The following GALNTL6 variants were observed in gnomAD, a reference collection of about 807,000 sequenced individuals.
The protein encoded by GALNTL6 is polypeptide N-acetylgalactosaminyltransferase like 6.
A neutral mutation model predicts 73.7 loss-of-function variants in GALNTL6; 46 were observed. That is an observed-to-expected ratio of 0.62 (90% CI 0.49 to 0.80). GALNTL6 has a LOEUF of 0.80. Ranked by LOEUF, GALNTL6 falls within the 30% of genes least tolerant of loss-of-function variation. The pLI is 0.00. For missense variants in GALNTL6, 604 were observed against 755.0 expected (o/e 0.80, Z 2.34); for synonymous variants, 259 against 263.7 (o/e 0.98, Z 0.17).
intron 5 of GALNTL6, among the ~76,000 whole-genome samples, chr4:172,591,466 A>G (rs1018300470): frequency 6.6e-6 from 1 of 152,236 alleles, no homozygotes; most frequent in Non-Finnish European, 1.5e-5. Context: ...CCTATTTAAT[A>G]GAGCAAGACC....
At chr4:172,438,803 A>C (rs1731729186) in intron 5 of GALNTL6, among the ~76,000 whole-genome samples, 1 of 151,818 alleles carries the variant, frequency 6.6e-6, no homozygotes, top group Non-Finnish European at 1.5e-5. Flanking sequence ...TTTTCTCCTC[A>C]TACTTCTCGA....
intron 4 of GALNTL6, 102 bp downstream of exon 4, chr4:172,311,854 T>C: frequency 2.6e-6 from 2 of 760,714 alleles, no homozygotes; most frequent in Non-Finnish European, 4.0e-6. Context: ...TAACCAAATA[T>C]TTTATCCTAA....
chr4:172,587,724 C>A (rs1737468931), intron 5 of GALNTL6, among the ~76,000 whole-genome samples: 1 of 152,194 alleles, frequency 6.6e-6, no homozygotes, highest in Admixed American at 6.5e-5. Context: ...TGCCTCCTCC[C>A]AGAAGCTTTT....
At chr4:172,187,386 G>A (rs1644687615) in intron 2 of GALNTL6, among the ~76,000 whole-genome samples, 1 of 152,050 alleles carries the variant, frequency 6.6e-6, no homozygotes, top group South Asian at 2.1e-4. Context: ...CAACTGAAGA[G>A]CTATTGCTTA....
At chr4:172,411,026 T>C (rs1744415738) in intron 5 of GALNTL6, among the ~76,000 whole-genome samples, 1 of 152,174 alleles carries the variant, frequency 6.6e-6, no homozygotes, top group South Asian at 2.1e-4. Context: ...TCACAGATTA[T>C]GTACATTCGT....
intron 5 of GALNTL6, among the ~76,000 whole-genome samples, chr4:172,686,714 G>T (rs796070335): frequency 2.6e-5 from 4 of 152,262 alleles, no homozygotes; most frequent in African/African-American, 9.6e-5. Flanking sequence ...ATTGCTTTGT[G>T]CTATTCTTTG....
At chr4:172,841,357 C>T (rs952525556) in intron 7 of GALNTL6, among the ~76,000 whole-genome samples, 1 of 152,180 alleles carries the variant, frequency 6.6e-6, no homozygotes, top group African/African-American at 2.4e-5. Context: ...TCAATACTAT[C>T]GTTAATCCCT....
intron 5 of GALNTL6, among the ~76,000 whole-genome samples, chr4:172,395,942 C>T (rs1034476371): frequency 6.6e-6 from 1 of 152,056 alleles, no homozygotes; most frequent in Non-Finnish European, 1.5e-5. Flanking sequence ...TCTGACTTCA[C>T]GCGTAGTTAA....
chr4:172,716,125 G>C (rs930679273), intron 5 of GALNTL6, among the ~76,000 whole-genome samples: 8 of 151,466 alleles, frequency 5.3e-5, no homozygotes, highest in Admixed American at 4.6e-4. Flanking sequence ...TTTTTTTATT[G>C]TCGTAACTAA....
intron 2 of GALNTL6, among the ~76,000 whole-genome samples, chr4:172,181,565 C>A (rs1735242972): frequency 6.6e-6 from 1 of 152,070 alleles, no homozygotes; most frequent in African/African-American, 2.4e-5. Context: ...TCTCACCACA[C>A]CTATTCAACG....
rs867020953 is a variant in GALNTL6 at position 172,339,288 on chromosome 4, C to T, written c.387-9235C>T. 8.0e-5 allele frequency among the ~76,000 whole-genome samples: 12 copies of T among 150,684 alleles called. No homozygotes were observed. In the South Asian group the frequency reaches 2.3e-3, roughly 29 times the overall value. On this transcript the variant is annotated intron_variant, in intron 4 of 12. Coordinates refer to ENST00000506823, the MANE Select transcript of GALNTL6 (RefSeq NM_001034845.3). ...ACACACACACACACACACACACACA[C>T]ACACACACACACACACACACACACA...
At chr4:172,175,111 C>G (rs1734950264) in intron 2 of GALNTL6, among the ~76,000 whole-genome samples, 1 of 150,074 alleles carries the variant, frequency 6.7e-6, no homozygotes, top group African/African-American at 2.5e-5. Flanking sequence ...GAGTCTCACT[C>G]TGTCACTCAG....
At chr4:172,585,367 G>C (rs55782630) in intron 5 of GALNTL6, among the ~76,000 whole-genome samples, 2 of 151,906 alleles carry the variant, frequency 1.3e-5, no homozygotes, top group Admixed American at 6.6e-5. Flanking sequence ...TTTATGCCCC[G>C]CATGCATTAG....
chr4:172,424,597 G>C (rs1341474957), intron 5 of GALNTL6, among the ~76,000 whole-genome samples: 2 of 152,158 alleles, frequency 1.3e-5, no homozygotes, highest in Non-Finnish European at 2.9e-5. Context: ...TGGGCGGAGG[G>C]TATGGAGATG....
intron 3 of GALNTL6, among the ~76,000 whole-genome samples, chr4:172,306,682 T>G (rs1382220422): frequency 6.6e-6 from 1 of 152,204 alleles, no homozygotes; most frequent in Non-Finnish European, 1.5e-5. Flanking sequence ...CCTCATATCA[T>G]AGCTCCCACT....
chr4:172,733,517 A>C (rs1031971063), intron 5 of GALNTL6, among the ~76,000 whole-genome samples: 3 of 152,078 alleles, frequency 2.0e-5, no homozygotes, highest in Admixed American at 2.0e-4. Flanking sequence ...CTCGTCTTGA[A>C]TTGTAGCTCC....
At chr4:171,834,274 C>T (rs1467290220) in intron 2 of GALNTL6, among the ~76,000 whole-genome samples, 4 of 152,078 alleles carry the variant, frequency 2.6e-5, no homozygotes, top group South Asian at 2.1e-4. Context: ...CTAAGTTTCT[C>T]ATAAGTCAGA....
chr4:171,989,454 G>A (rs1159302487), intron 2 of GALNTL6, among the ~76,000 whole-genome samples: 5 of 152,160 alleles, frequency 3.3e-5, no homozygotes, highest in Admixed American at 2.6e-4. Context: ...CTGGGCTGTG[G>A]GCATTCCTTG....
intron 2 of GALNTL6, among the ~76,000 whole-genome samples, chr4:172,000,494 T>A (rs1740642951): frequency 6.6e-6 from 1 of 152,136 alleles, no homozygotes; most frequent in African/African-American, 2.4e-5. Context: ...CCTGAATGTA[T>A]GCCACACCTA....
Sources: allele counts gnomAD v4.1 joint callset (sites outside exome capture counted in the v4.1 genomes callset), GRCh38; gene constraint gnomAD v4.1.1; transcripts MANE v1.5; gene names NCBI Gene and HGNC (gene_info 2026-07-23, HGNC 2026-07-21).